UNC13C: variants seen among roughly 807,000 people sequenced by gnomAD.
The protein encoded by UNC13C is unc-13 homolog C.
In UNC13C, 174 loss-of-function variants were observed where a neutral mutation model predicts 245.4. The observed-to-expected ratio is 0.71, with a 90% CI of 0.63 to 0.80. UNC13C has a LOEUF of 0.80. UNC13C is among the 30% of genes least tolerant of loss of function. The probability of loss-of-function intolerance (pLI) is 0.00; values close to 1 mark genes in which losing one functional copy is unlikely to be tolerated. For synonymous variants in UNC13C, 992 were observed against 895.1 expected, an observed-to-expected ratio of 1.11 and a Z score of -1.93; for missense variants, 2,829 against 2,602.9, an observed-to-expected ratio of 1.09 and a Z score of -1.89.
the UNC13C span, among the ~76,000 whole-genome samples, chr15:53,963,288 C>T: frequency 6.6e-6 from 1 of 152,136 alleles, no homozygotes; most frequent in Admixed American, 6.5e-5. Flanking sequence ...TCACAGCCTA[C>T]CAAACTTATA....
chr15:54,225,871 C>T (rs2035367183), intron 4 of UNC13C, among the ~76,000 whole-genome samples: 1 of 152,136 alleles, frequency 6.6e-6, no homozygotes, highest in Non-Finnish European at 1.5e-5. Context: ...GAGAGGGCAT[C>T]CTTGTCTTGT....
At chr15:54,433,232 A>G (rs879029424) in intron 19 of UNC13C, among the ~76,000 whole-genome samples, 9 of 152,126 alleles carry the variant, frequency 5.9e-5, no homozygotes, top group Admixed American at 5.9e-4. Context: ...TAACTCTTTT[A>G]TGAGGCCAGC....
upstream of UNC13C, among the ~76,000 whole-genome samples, chr15:53,976,471 C>CT (rs1491026119): frequency 6.4e-5 from 2 of 31,414 alleles, no homozygotes; most frequent in African/African-American, 1.2e-4. Context: ...CTCTCTCTCT[C>CT]TCTCTCTTTT....
At chr15:53,873,895 CT>C in the UNC13C span, among the ~76,000 whole-genome samples, 2 of 138,820 alleles carry the variant, frequency 1.4e-5, no homozygotes, top group African/African-American at 2.8e-5. Flanking sequence ...TCTTCCTTCT[CT>C]TTCCTTCCTT....
intron 13 of UNC13C, among the ~76,000 whole-genome samples, chr15:54,311,392 A>G (rs1231090293): frequency 6.6e-6 from 1 of 151,772 alleles, no homozygotes; most frequent in Non-Finnish European, 1.5e-5. Context: ...ACATATTTAC[A>G]TTTCCTTTCA....
In UNC13C at chr15:54,250,546, T is replaced by C. The variant is rs564960925; in HGVS notation, c.3448+102T>C. On this transcript the variant is annotated intron_variant, in intron 8 of 32. Coordinates refer to ENST00000260323, the MANE Select transcript of UNC13C (RefSeq NM_001080534.3). The stretch of plus-strand genomic sequence containing the variant: ...ACTCTTGCTGGTTGTCAAGAAATCC[T>C]ACCCGCTCCCCTCCCACCACTTACA... 5 of 1,071,606 alleles carry C rather than the reference T, an allele frequency of 4.7e-6. No individual in the cohort carries two copies. The African/African-American group carries it at 4.8e-5, about 10-fold the overall frequency. 66.4% of individuals were successfully genotyped at this position (1,071,606 alleles called of 1,614,324 possible).
At chr15:54,065,026 G>C (rs535820196) in intron 2 of UNC13C, among the ~76,000 whole-genome samples, 63 of 152,252 alleles carry the variant, frequency 4.1e-4, no homozygotes, top group African/African-American at 1.5e-3. Flanking sequence ...TCACCCCAAT[G>C]GTATCCTTGG....
At chr15:53,993,377 T>A (rs191123344) in intron 1 of UNC13C, among the ~76,000 whole-genome samples, 7 of 152,198 alleles carry the variant, frequency 4.6e-5, no homozygotes, top group Non-Finnish European at 2.9e-5. Flanking sequence ...GAATGAGCAC[T>A]TGACCGTGAA....
chr15:53,905,399 TACACACACACACACAC>T, the UNC13C span, among the ~76,000 whole-genome samples: 3 of 123,546 alleles, frequency 2.4e-5, no homozygotes, highest in African/African-American at 9.0e-5. Context: ...TATTACTTTA[TACACACACACACACAC>T]ACACACACAC....
intron 18 of UNC13C, among the ~76,000 whole-genome samples, chr15:54,395,323 A>G (rs942205257): frequency 1.3e-5 from 2 of 151,834 alleles, no homozygotes; most frequent in Non-Finnish European, 2.9e-5. Flanking sequence ...CGTCACATTT[A>G]TGCTTAATTA....
chr15:54,212,887 G>A (rs1237185438), intron 4 of UNC13C, among the ~76,000 whole-genome samples: 1 of 152,036 alleles, frequency 6.6e-6, no homozygotes, highest in Non-Finnish European at 1.5e-5. Flanking sequence ...TACCCATTAG[G>A]AACAAACAGT....
At chr15:54,243,208 C>A (rs1300374302) in intron 7 of UNC13C, among the ~76,000 whole-genome samples, 4 of 147,750 alleles carry the variant, frequency 2.7e-5, no homozygotes, top group Admixed American at 2.0e-4. Context: ...TCCTTCAGCT[C>A]CCACTAATAA....
At chr15:53,961,841 A>G in the UNC13C span, among the ~76,000 whole-genome samples, 1 of 152,350 alleles carries the variant, frequency 6.6e-6, no homozygotes, top group Admixed American at 6.5e-5. Context: ...ATGGCACATC[A>G]GCATGAGAAA....
At chr15:54,473,561 A>C (rs1892572941) in intron 19 of UNC13C, among the ~76,000 whole-genome samples, 1 of 151,758 alleles carries the variant, frequency 6.6e-6, no homozygotes, top group South Asian at 2.1e-4. Context: ...TAACTCCATG[A>C]AATCAGCGAT....
At chr15:54,574,364 T>C (rs1454424225) in intron 30 of UNC13C, among the ~76,000 whole-genome samples, 3 of 152,200 alleles carry the variant, frequency 2.0e-5, no homozygotes, top group Non-Finnish European at 2.9e-5. Flanking sequence ...TAGAAGCTGG[T>C]AGAAAATTCA....
At chr15:53,870,045 A>T in the UNC13C span, among the ~76,000 whole-genome samples, 1 of 152,216 alleles carries the variant, frequency 6.6e-6, no homozygotes, top group Non-Finnish European at 1.5e-5. Flanking sequence ...TCTATATTCT[A>T]TAACTTCATT....
intron 1 of UNC13C, among the ~76,000 whole-genome samples, chr15:54,003,353 A>C (rs1894984921): frequency 6.6e-6 from 1 of 152,182 alleles, no homozygotes; most frequent in African/African-American, 2.4e-5. Flanking sequence ...GATTAGGAAA[A>C]TGTTGCAAAG....
intron 19 of UNC13C, among the ~76,000 whole-genome samples, chr15:54,455,164 C>CTCTCT (rs1891404906): frequency 5.7e-5 from 1 of 17,514 alleles, no homozygotes; most frequent in Non-Finnish European, 1.1e-4. Flanking sequence ...GAGTCATATT[C>CTCTCT]CTCTCTCTCT....
the UNC13C span, among the ~76,000 whole-genome samples, chr15:53,872,503 A>G: frequency 1.3e-5 from 2 of 152,142 alleles, no homozygotes; most frequent in East Asian, 3.9e-4. Flanking sequence ...TTCATTCCGC[A>G]TGTAAAATGC....
Sources: gnomAD v4.1 joint callset for allele counts (sites outside exome capture counted in the v4.1 genomes callset) on GRCh38, gnomAD v4.1.1 for gene constraint, MANE v1.5 for transcripts, NCBI Gene and HGNC (gene_info 2026-07-23, HGNC 2026-07-21) for gene names.